CDH12: variants seen among roughly 807,000 people sequenced by gnomAD.
The protein encoded by CDH12 is cadherin 12.
A neutral mutation model predicts 74.1 loss-of-function variants in CDH12; 41 were observed. That is an observed-to-expected ratio of 0.55 (90% CI 0.43 to 0.72). The LOEUF is 0.72. Ranked by LOEUF, CDH12 falls within the 30% of genes least tolerant of loss-of-function variation. The pLI, the probability that CDH12 is intolerant of heterozygous loss-of-function variation, is 0.00. For missense variants in CDH12, 945 were observed against 977.2 expected (o/e 0.97, Z 0.44); for synonymous variants, 399 against 355.0 (o/e 1.12, Z -1.39).
Position 22,068,165 on chromosome 5 carries a change from C to T in CDH12, c.231+10281G>A, listed in dbSNP as rs138013518. On this transcript the variant is annotated intron_variant, in intron 5 of 14. Coordinates refer to ENST00000382254, the MANE Select transcript of CDH12 (RefSeq NM_004061.5). ...TTAGGTGAGCACAGCACTACCCCAT[C>T]ATCAAATGAAAGTGGCATATACAAG... Among the ~76,000 whole-genome samples the T allele has an allele frequency of 3.3e-3, 496 of 152,240 alleles. 1 individual carries two copies. The highest frequency in any genetic ancestry group is 0.011 in the African/African-American group (459 of 41,540).
chr5:22,188,814 T>C (rs1750110418), intron 4 of CDH12, among the ~76,000 whole-genome samples: 1 of 152,170 alleles, frequency 6.6e-6, no homozygotes, highest in Non-Finnish European at 1.5e-5. Flanking sequence ...ATGGATTCTG[T>C]AAAGGAGGCA....
At chr5:22,021,370 A>G (rs993103008) in intron 5 of CDH12, among the ~76,000 whole-genome samples, 6 of 152,154 alleles carry the variant, frequency 3.9e-5, no homozygotes, top group Non-Finnish European at 5.9e-5. Context: ...AGGAGATAGG[A>G]TCTATCAGAG....
At chr5:22,570,456 C>T (rs978272506) in intron 1 of CDH12, among the ~76,000 whole-genome samples, 3 of 152,050 alleles carry the variant, frequency 2.0e-5, no homozygotes, top group Non-Finnish European at 4.4e-5. Context: ...ACATTAATCC[C>T]TGCGTATATC....
chr5:21,837,261 CAG>C (rs1347717268), intron 8 of CDH12, among the ~76,000 whole-genome samples: 1 of 151,960 alleles, frequency 6.6e-6, no homozygotes, highest in Non-Finnish European at 1.5e-5. Flanking sequence ...TGTGATATCT[CAG>C]AAACTATATA....
intron 3 of CDH12, among the ~76,000 whole-genome samples, chr5:22,250,906 T>C (rs1236411757): frequency 6.6e-6 from 1 of 152,160 alleles, no homozygotes; most frequent in African/African-American, 2.4e-5. Context: ...AGAAATGTAT[T>C]TTCAGCAAAG....
chr5:22,494,910 A>G (rs1361242734), intron 2 of CDH12, among the ~76,000 whole-genome samples: 1 of 152,216 alleles, frequency 6.6e-6, no homozygotes, highest in Non-Finnish European at 1.5e-5. Flanking sequence ...GCGTACCTTT[A>G]ATATTCCCTA....
intron 1 of CDH12, among the ~76,000 whole-genome samples, chr5:22,578,055 T>C (rs960975868): frequency 3.9e-5 from 6 of 152,188 alleles, no homozygotes; most frequent in African/African-American, 1.4e-4. Context: ...TTTGGCCTGG[T>C]ATTAGAAAAG....
chr5:21,897,941 T>C (rs923696507), intron 6 of CDH12, among the ~76,000 whole-genome samples: 7 of 152,058 alleles, frequency 4.6e-5, no homozygotes, highest in African/African-American at 1.5e-4. Flanking sequence ...GAATAGGTTA[T>C]ATGCCATTTA....
intron 8 of CDH12, among the ~76,000 whole-genome samples, chr5:21,835,604 A>G (rs1749487138): frequency 6.6e-6 from 1 of 151,956 alleles, no homozygotes; most frequent in Non-Finnish European, 1.5e-5. Context: ...CTAGTAGCTT[A>G]CCATTTTCCA....
At chr5:22,117,481 T>TATATA (rs1561128908) in intron 4 of CDH12, among the ~76,000 whole-genome samples, 73 of 45,294 alleles carry the variant, frequency 1.6e-3, no homozygotes, top group African/African-American at 6.3e-3. Context: ...ATATATATTA[T>TATATA]ATATATATTA....
In CDH12 at chr5:22,323,762, G is replaced by A. The variant is rs186403048; in HGVS notation, c.-333+81495C>T. ...AAGACTGAGTGTTGGTACATTTTCA[G>A]GTTTTTTGTTTGCTTTGCTTTAAGT... On this transcript the variant is annotated intron_variant, in intron 3 of 14. Transcript: ENST00000382254. 3.9e-5 allele frequency among the ~76,000 whole-genome samples: 6 copies of A among 152,200 alleles called. No homozygotes were observed. In the East Asian group the frequency reaches 1.2e-3, roughly 29 times the overall value.
At chr5:21,759,731 C>T (rs1744609278) in intron 13 of CDH12, among the ~76,000 whole-genome samples, 1 of 151,780 alleles carries the variant, frequency 6.6e-6, no homozygotes, top group Non-Finnish European at 1.5e-5. Flanking sequence ...AGGTGTGTTA[C>T]ATAGGTAAAC....
chr5:22,532,366 T>TATGTATATGTATGTATACATATAC (rs1554047733), intron 1 of CDH12, among the ~76,000 whole-genome samples: 1 of 83,700 alleles, frequency 1.2e-5, no homozygotes, highest in African/African-American at 4.3e-5. Flanking sequence ...TATATATATA[T>TATGTATATGTATGTATACATATAC]ATATATATAT....
At chr5:21,903,502 G>T (rs1239523098) in intron 6 of CDH12, among the ~76,000 whole-genome samples, 1 of 152,106 alleles carries the variant, frequency 6.6e-6, no homozygotes, top group African/African-American at 2.4e-5. Flanking sequence ...AAGGCTAAGG[G>T]TTCGTTATCT....
intron 3 of CDH12, among the ~76,000 whole-genome samples, chr5:22,262,577 C>T (rs113893309): frequency 7.5e-4 from 113 of 151,060 alleles, no homozygotes; most frequent in African/African-American, 2.6e-3. Context: ...AATAAACATA[C>T]GTGTGCATGT....
chr5:21,854,589 T>C (rs921191250), intron 7 of CDH12, 82 bp downstream of exon 7: 5 of 1,156,526 alleles, frequency 4.3e-6, no homozygotes, highest in African/African-American at 3.1e-5. Flanking sequence ...TATTAGAATA[T>C]GCAACTCCCC....
chr5:22,836,561 T>A (rs933661713), intron 1 of CDH12, among the ~76,000 whole-genome samples: 1 of 151,936 alleles, frequency 6.6e-6, no homozygotes, highest in Non-Finnish European at 1.5e-5. Context: ...CTTTTTATGT[T>A]TTAACCTCCA....
chr5:22,605,537 C>T (rs1285028898), intron 1 of CDH12, among the ~76,000 whole-genome samples: 1 of 152,178 alleles, frequency 6.6e-6, no homozygotes, highest in Admixed American at 6.5e-5. Context: ...TCCCACCTCC[C>T]ACCTCTGAAG....
chr5:22,229,199 T>C (rs773457201), intron 3 of CDH12, among the ~76,000 whole-genome samples: 4 of 151,830 alleles, frequency 2.6e-5, no homozygotes, highest in Non-Finnish European at 5.9e-5. Context: ...TTAGTAATGG[T>C]ACTTAAGCTT....
Sources: gnomAD v4.1 joint callset for allele counts (sites outside exome capture counted in the v4.1 genomes callset) on GRCh38, gnomAD v4.1.1 for gene constraint, MANE v1.5 for transcripts, NCBI Gene and HGNC (gene_info 2026-07-23, HGNC 2026-07-21) for gene names.